Variants in SEMA3A observed in about 807,000 individuals in gnomAD.
SEMA3A encodes the protein semaphorin 3A.
In SEMA3A, 29 loss-of-function variants were observed where a neutral mutation model predicts 97.9. That is an observed-to-expected ratio of 0.30 (90% CI 0.22 to 0.40). The LOEUF (loss-of-function observed/expected upper bound fraction) is 0.40. Ranked by LOEUF, SEMA3A falls within the 10% of genes least tolerant of loss-of-function variation. SEMA3A has a pLI of 1.00. For synonymous variants in SEMA3A, 321 were observed against 323.7 expected, an observed-to-expected ratio of 0.99 and a Z score of 0.09; for missense variants, 763 against 951.3, an observed-to-expected ratio of 0.80 and a Z score of 2.60.
At chr7:84,054,207 C>T (rs1241991146) in intron 5 of SEMA3A, among the ~76,000 whole-genome samples, 4 of 152,250 alleles carry the variant, frequency 2.6e-5, no homozygotes, top group Non-Finnish European at 5.9e-5. Context: ...TTGCTCTTCT[C>T]GAGGAGTATC....
chr7:84,120,736 T>C (rs1030713085), intron 3 of SEMA3A, among the ~76,000 whole-genome samples: 1 of 152,204 alleles, frequency 6.6e-6, no homozygotes, highest in Non-Finnish European at 1.5e-5. Flanking sequence ...CACATAAAAT[T>C]GTAATCGATA....
intron 3 of SEMA3A, among the ~76,000 whole-genome samples, chr7:84,260,724 C>T (rs969211759): frequency 2.6e-5 from 4 of 152,122 alleles, no homozygotes; most frequent in African/African-American, 9.7e-5. Flanking sequence ...GGGAAGGAGG[C>T]CAAGGGGGGG....
intron 1 of SEMA3A, among the ~76,000 whole-genome samples, chr7:84,429,516 TTATATATATATATA>T (rs10523978): frequency 2.1e-4 from 15 of 72,390 alleles, no homozygotes; most frequent in East Asian, 2.0e-3. Context: ...ATAGAGTTTG[TTATATATATATATA>T]TATATATATA....
intron 1 of SEMA3A, among the ~76,000 whole-genome samples, chr7:84,165,510 G>C (rs1200812178): frequency 6.6e-6 from 1 of 151,930 alleles, no homozygotes; most frequent in East Asian, 1.9e-4. Flanking sequence ...TATTACATAT[G>C]GTGGGCACAT....
chr7:84,087,449 G>C (rs985814554), intron 4 of SEMA3A, among the ~76,000 whole-genome samples: 2 of 152,076 alleles, frequency 1.3e-5, no homozygotes, highest in African/African-American at 4.8e-5. Flanking sequence ...TTCTACAGCT[G>C]GATAAGACAG....
At chr7:84,375,378 T>C (rs974649864) in intron 1 of SEMA3A, among the ~76,000 whole-genome samples, 1 of 152,186 alleles carries the variant, frequency 6.6e-6, no homozygotes, top group Non-Finnish European at 1.5e-5. Flanking sequence ...CCATTCATTG[T>C]TCACGTATGC....
At chr7:84,024,400 G>A (rs1791465376) in intron 6 of SEMA3A, among the ~76,000 whole-genome samples, 1 of 151,082 alleles carries the variant, frequency 6.6e-6, no homozygotes. Context: ...AAAAAAATTA[G>A]ACGAGTATGG....
At chr7:84,095,358 C>CACACACACATATATATATATATATAT (rs1211794166) in intron 4 of SEMA3A, among the ~76,000 whole-genome samples, 3 of 122,904 alleles carry the variant, frequency 2.4e-5, no homozygotes, top group African/African-American at 1.0e-4. Flanking sequence ...TTTTTATATA[C>CACACACACATATATATATATATATAT]ATATATATAT....
intron 1 of SEMA3A, among the ~76,000 whole-genome samples, chr7:84,443,982 G>A (rs1271106007): frequency 6.7e-6 from 1 of 150,106 alleles, no homozygotes; most frequent in Non-Finnish European, 1.5e-5. Context: ...CACCTCCTGG[G>A]TTCAAGCGAT....
chr7:84,417,656 T>G (rs1276094578), intron 1 of SEMA3A, among the ~76,000 whole-genome samples: 1 of 152,110 alleles, frequency 6.6e-6, no homozygotes, highest in Non-Finnish European at 1.5e-5. Flanking sequence ...GACTTTTTCT[T>G]ATTTATTTTA....
intron 2 of SEMA3A, among the ~76,000 whole-genome samples, chr7:84,342,340 G>C (rs993238057): frequency 3.3e-5 from 5 of 151,834 alleles, no homozygotes; most frequent in African/African-American, 1.2e-4. Context: ...TGCCACTATA[G>C]AATTTTTTTA....
intron 3 of SEMA3A, among the ~76,000 whole-genome samples, chr7:84,290,960 G>A (rs1304956615): frequency 1.3e-5 from 2 of 152,066 alleles, no homozygotes; most frequent in Non-Finnish European, 2.9e-5. Flanking sequence ...GTACCTAAAT[G>A]AGAGCTAACA....
intron 3 of SEMA3A, among the ~76,000 whole-genome samples, chr7:84,203,526 A>ATATATTTT (rs372380784): frequency 1.3e-3 from 33 of 25,672 alleles, no homozygotes; most frequent in South Asian, 2.9e-3. Flanking sequence ...ATATATATAT[A>ATATATTTT]TTTTTTTTTT....
chr7:84,476,841 T>C (rs1806296116), intron 1 of SEMA3A, among the ~76,000 whole-genome samples: 1 of 151,966 alleles, frequency 6.6e-6, no homozygotes, highest in Admixed American at 6.6e-5. Flanking sequence ...TTAAGTTGAC[T>C]ATTTCTTGTA....
At chr7:84,047,716 G>T (rs78702998) in intron 5 of SEMA3A, among the ~76,000 whole-genome samples, 1 of 151,848 alleles carries the variant, frequency 6.6e-6, no homozygotes, top group East Asian at 1.9e-4. Flanking sequence ...CTTGTTGATC[G>T]AATAGGTTAA....
chr7:84,044,896 A>G (rs1792288656), intron 6 of SEMA3A, among the ~76,000 whole-genome samples: 1 of 152,072 alleles, frequency 6.6e-6, no homozygotes, highest in Non-Finnish European at 1.5e-5. Context: ...ATGCCATTAA[A>G]AGCCAAGGCT....
At chr7:84,161,629 G>C (rs1025633359) in intron 1 of SEMA3A, among the ~76,000 whole-genome samples, 4 of 152,054 alleles carry the variant, frequency 2.6e-5, no homozygotes, top group African/African-American at 9.7e-5. Context: ...CCCTGCTTTT[G>C]GACATTGTAG....
At chr7:84,393,380 T>C (rs1395651897) in intron 1 of SEMA3A, among the ~76,000 whole-genome samples, 2 of 152,090 alleles carry the variant, frequency 1.3e-5, no homozygotes, top group African/African-American at 2.4e-5. Flanking sequence ...AAATCTGTAA[T>C]AGCCAAAGCA....
intron 1 of SEMA3A, among the ~76,000 whole-genome samples, chr7:84,143,198 C>T (rs1796348877): frequency 1.3e-5 from 2 of 152,254 alleles, no homozygotes; most frequent in Admixed American, 1.3e-4. Context: ...TTCTACAAAA[C>T]ACATGCACTT....
Sources: allele counts gnomAD v4.1 joint callset (sites outside exome capture counted in the v4.1 genomes callset), GRCh38; gene constraint gnomAD v4.1.1; transcripts MANE v1.5; gene names NCBI Gene and HGNC (gene_info 2026-07-23, HGNC 2026-07-21).